Variants in JAZF1 observed in about 807,000 individuals in gnomAD.
JAZF1 encodes JAZF zinc finger 1.
JAZF1 carries 8 observed loss-of-function variants against 26.4 expected under a neutral mutation model. That is an observed-to-expected ratio of 0.30 (90% CI 0.18 to 0.55). The LOEUF (loss-of-function observed/expected upper bound fraction) is 0.55, where lower values mean the gene tolerates loss of function less well. JAZF1 is among the 20% of genes least tolerant of loss of function. The probability of loss-of-function intolerance (pLI) is 0.94; values close to 1 mark genes in which losing one functional copy is unlikely to be tolerated. For missense variants in JAZF1, 199 were observed against 322.0 expected, an observed-to-expected ratio of 0.62 and a Z score of 2.92; for synonymous variants, 126 against 122.3, an observed-to-expected ratio of 1.03 and a Z score of -0.20.
intron 1 of JAZF1, among the ~76,000 whole-genome samples, chr7:28,108,939 G>C (rs761491263): frequency 2.0e-5 from 3 of 152,184 alleles, no homozygotes; most frequent in Non-Finnish European, 4.4e-5. Flanking sequence ...AAATGAAAAA[G>C]TCAGACACAG....
chr7:28,101,576 TAAAAA>T (rs56321937), intron 1 of JAZF1, among the ~76,000 whole-genome samples: 2 of 97,998 alleles, frequency 2.0e-5, no homozygotes, highest in Non-Finnish European at 3.8e-5. Context: ...ATTTCTATAT[TAAAAA>T]AAAAAAAAAA....
chr7:27,964,473 A>G (rs1237896589), intron 2 of JAZF1, among the ~76,000 whole-genome samples: 2 of 152,074 alleles, frequency 1.3e-5, no homozygotes, highest in African/African-American at 4.8e-5. Context: ...GTATGACCCA[A>G]TTAGAATCTT....
At chr7:28,148,320 C>T (rs1783057978) in intron 1 of JAZF1, among the ~76,000 whole-genome samples, 1 of 152,168 alleles carries the variant, frequency 6.6e-6, no homozygotes, top group African/African-American at 2.4e-5. Flanking sequence ...ATCCATCCAC[C>T]TCGGCCTCCC....
intron 1 of JAZF1, among the ~76,000 whole-genome samples, chr7:28,036,172 C>T (rs1469415587): frequency 6.6e-6 from 1 of 152,168 alleles, no homozygotes; most frequent in African/African-American, 2.4e-5. Context: ...AACACCTTCC[C>T]CCAACCAGTC....
At chr7:27,871,551 G>A (rs1304461641) in intron 3 of JAZF1, among the ~76,000 whole-genome samples, 1 of 152,176 alleles carries the variant, frequency 6.6e-6, no homozygotes, top group African/African-American at 2.4e-5. Context: ...ACCTTCGGGG[G>A]AGACACAGAC....
At chr7:27,876,426 C>T (rs1316180715) in intron 3 of JAZF1, among the ~76,000 whole-genome samples, 1 of 152,122 alleles carries the variant, frequency 6.6e-6, no homozygotes, top group East Asian at 1.9e-4. Context: ...GCATACCATC[C>T]CTTTCTGCCC....
chr7:27,871,858 T>C (rs576125175), intron 3 of JAZF1, among the ~76,000 whole-genome samples: 1 of 152,260 alleles, frequency 6.6e-6, no homozygotes, highest in African/African-American at 2.4e-5. Context: ...ACGAGAACTG[T>C]CAAGGATGGA....
intron 2 of JAZF1, among the ~76,000 whole-genome samples, chr7:27,990,946 C>T (rs546114737): frequency 7.9e-5 from 12 of 152,224 alleles, no homozygotes; most frequent in African/African-American, 2.9e-4. Context: ...ATGTTTATGT[C>T]AATAAATCCT....
intron 3 of JAZF1, among the ~76,000 whole-genome samples, chr7:27,871,651 A>T (rs533865359): frequency 1.3e-5 from 2 of 152,174 alleles, no homozygotes; most frequent in African/African-American, 2.4e-5. Context: ...TCAGGGGCAA[A>T]ATTTTCAAGT....
chr7:28,021,557 G>A (rs111936937), intron 1 of JAZF1, among the ~76,000 whole-genome samples: 6 of 152,180 alleles, frequency 3.9e-5, no homozygotes, highest in Non-Finnish European at 7.3e-5. Flanking sequence ...GGGCAGGAAA[G>A]GCCGCCACCG....
intron 3 of JAZF1, among the ~76,000 whole-genome samples, chr7:27,846,747 G>C (rs933143427): frequency 1.3e-5 from 2 of 151,924 alleles, no homozygotes; most frequent in Non-Finnish European, 2.9e-5. Flanking sequence ...CCATTTTTAT[G>C]GTTTCTTTGG....
At chr7:28,053,547 T>G (rs757319192) in intron 1 of JAZF1, among the ~76,000 whole-genome samples, 5 of 152,228 alleles carry the variant, frequency 3.3e-5, no homozygotes, top group Non-Finnish European at 7.3e-5. Context: ...AGGAGTGTAT[T>G]CAGGAAATAA....
At chr7:27,836,620 A>C (rs890419733) in intron 4 of JAZF1, among the ~76,000 whole-genome samples, 3 of 152,188 alleles carry the variant, frequency 2.0e-5, no homozygotes, top group Admixed American at 6.5e-5. Context: ...ATGAGGAAGA[A>C]GAGTAAGAAA....
chr7:28,086,423 C>A (rs1784212917), intron 1 of JAZF1, among the ~76,000 whole-genome samples: 1 of 152,178 alleles, frequency 6.6e-6, no homozygotes, highest in Non-Finnish European at 1.5e-5. Context: ...CTAACCATTA[C>A]TGATAAACCC....
intron 1 of JAZF1, among the ~76,000 whole-genome samples, chr7:28,046,696 T>G (rs1365765696): frequency 6.6e-6 from 1 of 152,200 alleles, no homozygotes; most frequent in South Asian, 2.1e-4. Flanking sequence ...ATCTGATACA[T>G]GAAAACTGAT....
Position 28,119,619 on chromosome 7 carries a change from C to T in JAZF1, c.115+60844G>A, listed in dbSNP as rs557672559. Among the ~76,000 whole-genome samples the T allele has an allele frequency of 2.0e-5, 3 of 152,314 alleles. No individual in the cohort carries two copies. The East Asian group carries it at 5.8e-4, about 29-fold the overall frequency. Reference sequence around the variant, plus strand: ...GCTTCTTTATTCCTCTATTTACAATCGGCTGTCCACATGGCTGCCATGGAC... The same window carrying T: ...GCTTCTTTATTCCTCTATTTACAATTGGCTGTCCACATGGCTGCCATGGAC... On this transcript the variant is annotated intron_variant, in intron 1 of 4. Coordinates refer to ENST00000283928, the MANE Select transcript of JAZF1 (RefSeq NM_175061.4).
At chr7:28,060,428 C>T (rs1011851972) in intron 1 of JAZF1, among the ~76,000 whole-genome samples, 2 of 152,126 alleles carry the variant, frequency 1.3e-5, no homozygotes, top group East Asian at 1.9e-4. Context: ...TCTTTATGGT[C>T]AAATAAAGAA....
At chr7:27,873,138 C>T (rs17155969) in intron 3 of JAZF1, among the ~76,000 whole-genome samples, 32,670 of 152,042 alleles carry the variant, frequency 0.21, 4,404 homozygotes, top group East Asian at 0.49. Context: ...AGTCATTTCC[C>T]GTCCAACATG....
intron 2 of JAZF1, among the ~76,000 whole-genome samples, chr7:27,957,812 ATTAG>A (rs1785124805): frequency 2.6e-5 from 4 of 152,250 alleles, no homozygotes; most frequent in African/African-American, 7.2e-5. Context: ...AGAAACCCCA[ATTAG>A]TTAATTAAAA....
Sources: gnomAD v4.1 joint callset for allele counts (sites outside exome capture counted in the v4.1 genomes callset) on GRCh38, gnomAD v4.1.1 for gene constraint, MANE v1.5 for transcripts, NCBI Gene and HGNC (gene_info 2026-07-23, HGNC 2026-07-21) for gene names.